KICS2: variants seen among roughly 807,000 people sequenced by gnomAD.
KICS2 encodes KICSTOR subunit 2.
In KICS2, 13 loss-of-function variants were observed where a neutral mutation model predicts 31.4. The ratio of observed to expected loss-of-function variants is 0.41; its 90% CI spans 0.27 to 0.66. The LOEUF (loss-of-function observed/expected upper bound fraction) is 0.66, where lower values mean the gene tolerates loss of function less well. Among genes scored for constraint, KICS2 ranks in the 30% least tolerant of loss-of-function variants. The probability of loss-of-function intolerance (pLI) is 0.28; values close to 1 mark genes in which losing one functional copy is unlikely to be tolerated. For synonymous variants in KICS2, 209 were observed against 214.8 expected (o/e 0.97, Z 0.24); for missense variants, 455 against 545.4 (o/e 0.83, Z 1.65).
intron 2 of KICS2, among the ~76,000 whole-genome samples, chr12:64,207,545 C>T (rs1016006152): frequency 6.6e-6 from 1 of 152,100 alleles, no homozygotes; most frequent in Non-Finnish European, 1.5e-5. Flanking sequence ...CAAAGAGATG[C>T]TAACAGATTG....
downstream of KICS2, chr12:64,187,646 C>G (rs577164480): frequency 2.3e-4 from 355 of 1,535,500 alleles, no homozygotes; most frequent in Non-Finnish European, 2.9e-4. Flanking sequence ...GCATTGGTAA[C>G]AGGAACCTGG....
At position 64,193,459 on chromosome 12, in the gene KICS2, CAAG is replaced by C. The variant is rs1201763416; in HGVS notation, c.*380_*382del. ...TAATATCTCATCCCTATTACTCTTC[CAAG>C]AAGGAGGGAAACAGAGAGGCTGTTT... On this transcript the variant is annotated 3_prime_UTR_variant, in exon 3 of 3. Transcript: ENST00000398055. 1.6e-5 allele frequency: 16 copies of C among 1,003,738 alleles called. No homozygotes were observed. Among genetic ancestry groups the C allele is most frequent in the African/African-American group, 7.0e-5 (4 of 57,542 alleles). The allele number at this position is 1,003,738 out of a possible 1,614,324, so 62.2% of individuals were successfully genotyped here.
At chr12:64,221,965 TTCC>T (rs1565722110) in intron 1 of KICS2, 35 bp downstream of exon 1, 3 of 1,386,056 alleles carry the variant, frequency 2.2e-6, no homozygotes, top group Admixed American at 1.9e-5. Context: ...CCCCCTTTAC[TTCC>T]TCCTCAAGGG....
At chr12:64,208,975 C>T (rs2037562355) in intron 2 of KICS2, among the ~76,000 whole-genome samples, 1 of 151,634 alleles carries the variant, frequency 6.6e-6, no homozygotes, top group South Asian at 2.1e-4. Context: ...AAAAATCAGC[C>T]AGAATTTTCT....
chr12:64,190,954 C>A (rs896691113), downstream of KICS2: 1 of 152,094 alleles, frequency 6.6e-6, no homozygotes, highest in African/African-American at 2.4e-5. Flanking sequence ...CAAACAGCAT[C>A]CTAAAATGAA....
intron 2 of KICS2, among the ~76,000 whole-genome samples, chr12:64,202,070 G>A (rs1207764287): frequency 6.6e-6 from 1 of 152,208 alleles, no homozygotes; most frequent in Non-Finnish European, 1.5e-5. Context: ...GTACAAGACA[G>A]TAGTGCAATT....
intron 2 of KICS2, among the ~76,000 whole-genome samples, chr12:64,207,131 C>T (rs790011): frequency 0.47 from 71,402 of 151,248 alleles, 17,156 homozygotes; most frequent in Non-Finnish European, 0.52. Context: ...ACGGCAAAAC[C>T]CCATCTCTAC....
chr12:64,203,516 G>A (rs577251475), intron 2 of KICS2, among the ~76,000 whole-genome samples: 8 of 152,308 alleles, frequency 5.3e-5, no homozygotes, highest in African/African-American at 1.4e-4. Flanking sequence ...TATTTATGGA[G>A]CATATTATAT....
At chr12:64,196,399 A>G (rs2037438851) in intron 2 of KICS2, among the ~76,000 whole-genome samples, 1 of 150,980 alleles carries the variant, frequency 6.6e-6, no homozygotes, top group Non-Finnish European at 1.5e-5. Flanking sequence ...CCTGTCTGTT[A>G]GAAGGAAAAC....
Position 64,192,055 on chromosome 12 carries a change from A to G in KICS2, c.*1787T>C, listed in dbSNP as rs1397369446. On this transcript the variant is annotated 3_prime_UTR_variant, in exon 3 of 3. Coordinates refer to ENST00000398055, the MANE Select transcript of KICS2 (RefSeq NM_152440.5). ...ACAAGACCCTGTCTCAAAAAAAAAA[A>G]AAAAAAAAAAGGAAAAACACATGTT... 1.3e-5 allele frequency: 2 copies of G among 151,448 alleles called. No homozygotes were observed. The highest frequency in any genetic ancestry group is 2.9e-5 in the Non-Finnish European group (2 of 67,892). 9.4% of individuals were successfully genotyped at this position (151,448 alleles called of 1,614,324 possible).
intron 1 of KICS2, 58 bp from the exon 2 acceptor site, chr12:64,216,021 A>G (rs2037625500): frequency 6.9e-7 from 1 of 1,453,280 alleles, no homozygotes; most frequent in Non-Finnish European, 9.2e-7. Context: ...GTAAGTACCA[A>G]ACACCTACCA....
rs545747461 is a variant in KICS2, at chr12:64,191,402, A to G, written c.*2440T>C. The G allele has an allele frequency of 6.6e-6, 1 of 152,214 alleles. No homozygotes were observed. The highest frequency in any genetic ancestry group is 2.1e-4 in the South Asian group (1 of 4,818). The allele number at this position is 152,214 out of a possible 1,614,324, so 9.4% of individuals were successfully genotyped here. A position where few individuals can be genotyped will look rare whatever the true frequency, so the allele number is the denominator to read the frequency against. The stretch of plus-strand genomic sequence containing the variant: ...GTTTAAAAATAGATATACAATTCAA[A>G]TATGTTCTAGGTGAGGACTGGTTAT... On this transcript the variant is annotated 3_prime_UTR_variant, in exon 3 of 3. Transcript: ENST00000398055.
At chr12:64,211,622 G>GA (rs914587517) in intron 2 of KICS2, among the ~76,000 whole-genome samples, 84 of 148,132 alleles carry the variant, frequency 5.7e-4, no homozygotes, top group African/African-American at 1.5e-3. Context: ...CCGTCTTAAA[G>GA]AAAAAAAAAA....
In KICS2 at chr12:64,193,026, CA is replaced by C; in HGVS notation, c.*815del. ...CCTAAAAATAACCAAGGAGTAGAGC[CA>C]AACATGTACATTTCAGCAGAAAAGT... is the stretch of plus-strand genomic sequence containing the variant. On this transcript the variant is annotated 3_prime_UTR_variant, in exon 3 of 3. Coordinates refer to ENST00000398055, the MANE Select transcript of KICS2 (RefSeq NM_152440.5). 1 of 985,396 alleles carries C rather than the reference CA, an allele frequency of 1.0e-6. No individual in the cohort carries two copies. Among genetic ancestry groups the C allele is most frequent in the Non-Finnish European group, 1.2e-6 (1 of 829,936 alleles). 61.0% of individuals were successfully genotyped at this position (985,396 alleles called of 1,614,324 possible). A position where few individuals can be genotyped will look rare whatever the true frequency, so the allele number is the denominator to read the frequency against.
At chr12:64,196,110 G>GGCCT (rs2037434322) in intron 2 of KICS2, among the ~76,000 whole-genome samples, 1 of 152,218 alleles carries the variant, frequency 6.6e-6, no homozygotes, top group Non-Finnish European at 1.5e-5. Flanking sequence ...AGCTCAAGGA[G>GGCCT]GCCTGCCTGC....
intron 2 of KICS2, among the ~76,000 whole-genome samples, chr12:64,215,076 C>T (rs749187482): frequency 3.3e-5 from 5 of 151,464 alleles, no homozygotes; most frequent in East Asian, 1.9e-4. Context: ...GAGGTGAAGA[C>T]GGGTGGATCA....
At chr12:64,190,013 TC>T (rs1225878054), downstream of KICS2, among the ~76,000 whole-genome samples, 4 of 152,122 alleles carry the variant, frequency 2.6e-5, no homozygotes, top group African/African-American at 9.7e-5. Context: ...AATGATGCTA[TC>T]AACCAACCAT....
intron 2 of KICS2, among the ~76,000 whole-genome samples, chr12:64,206,354 T>C (rs1320718737): frequency 1.3e-5 from 2 of 152,170 alleles, no homozygotes; most frequent in Admixed American, 6.5e-5. Context: ...CAAAACAAAA[T>C]CTGTAACATC....
rs371864699 is a variant in KICS2 at position 64,196,259 on chromosome 12, C to T, written c.522-1601G>A. Among the ~76,000 whole-genome samples, 252 of 146,068 alleles carry T rather than the reference C, an allele frequency of 1.7e-3. 1 individual carries two copies. In the South Asian group the frequency reaches 0.019, roughly 11 times the overall value. ...AGCACGCAGCTGGAGATCTGAGAAC[C>T]GGCAGACTGCCTCCTCAAGTGGGTT... On this transcript the variant is annotated intron_variant, in intron 2 of 2. Coordinates refer to ENST00000398055, the MANE Select transcript of KICS2 (RefSeq NM_152440.5).
Sources: gnomAD v4.1 joint callset for allele counts (sites outside exome capture counted in the v4.1 genomes callset) on GRCh38, gnomAD v4.1.1 for gene constraint, MANE v1.5 for transcripts, NCBI Gene and HGNC (gene_info 2026-07-23, HGNC 2026-07-21) for gene names.